The following MECOM variants were observed in gnomAD, a reference collection of about 807,000 sequenced individuals.
The protein encoded by MECOM is MDS1 and EVI1 complex locus.
In MECOM, 13 loss-of-function variants were observed where a neutral mutation model predicts 116.3. That is an observed-to-expected ratio of 0.11 (90% CI 0.07 to 0.18). The LOEUF is 0.18. Among genes scored for constraint, MECOM ranks in the 10% least tolerant of loss-of-function variants. MECOM has a pLI of 1.00. For missense variants in MECOM, 1,299 were observed against 1,509.0 expected, an observed-to-expected ratio of 0.86 and a Z score of 2.31; for synonymous variants, 528 against 535.2, an observed-to-expected ratio of 0.99 and a Z score of 0.19.
chr3:169,585,008 A>C (rs1765618528), intron 1 of MECOM, among the ~76,000 whole-genome samples: 1 of 152,262 alleles, frequency 6.6e-6, no homozygotes, highest in African/African-American at 2.4e-5. Flanking sequence ...TCATTTCCAC[A>C]GATTATCAAG....
intron 2 of MECOM, among the ~76,000 whole-genome samples, chr3:169,219,946 A>G (rs956871937): frequency 2.7e-5 from 4 of 148,840 alleles, no homozygotes; most frequent in Non-Finnish European, 5.9e-5. Context: ...TCTAATATGT[A>G]TAATTCTAAT....
At chr3:169,101,649 G>C (rs146447962) in intron 11 of MECOM, among the ~76,000 whole-genome samples, 52 of 152,136 alleles carry the variant, frequency 3.4e-4, no homozygotes, top group African/African-American at 1.3e-3. Flanking sequence ...TTACTAGCTA[G>C]TTTTATTCAC....
At chr3:169,242,275 T>A (rs972771637) in intron 2 of MECOM, among the ~76,000 whole-genome samples, 3 of 152,338 alleles carry the variant, frequency 2.0e-5, no homozygotes, top group East Asian at 1.9e-4. Flanking sequence ...CTGAGAGTCC[T>A]GTCACAGGAC....
intron 1 of MECOM, among the ~76,000 whole-genome samples, chr3:169,660,544 G>C (rs532127787): frequency 2.0e-4 from 30 of 151,824 alleles, no homozygotes; most frequent in African/African-American, 7.2e-4. Context: ...ATTTACAAAA[G>C]ACAAAAAGAA....
intron 1 of MECOM, among the ~76,000 whole-genome samples, chr3:169,646,956 A>G (rs1488343445): frequency 6.6e-6 from 1 of 152,264 alleles, no homozygotes; most frequent in Non-Finnish European, 1.5e-5. Flanking sequence ...AGGGATGACC[A>G]GCCCCTGTCA....
intron 2 of MECOM, among the ~76,000 whole-genome samples, chr3:169,219,775 A>G (rs1285113073): frequency 6.7e-6 from 1 of 149,788 alleles, no homozygotes; most frequent in African/African-American, 2.4e-5. Context: ...AATGGTATAT[A>G]TATATTATAT....
At chr3:169,087,546 G>A (rs773041786) in intron 16 of MECOM, among the ~76,000 whole-genome samples, 2 of 152,118 alleles carry the variant, frequency 1.3e-5, no homozygotes. Context: ...ATAGTGAGCC[G>A]TGATTGCACC....
Position 169,472,518 on chromosome 3 carries a change from G to GAAAGGAAAGGAAAGGAAAGGAAAGA in MECOM, c.38-90995_38-90994insTCTTTCCTTTCCTTTCCTTTCCTTT, listed in dbSNP as rs1553863131. Among the ~76,000 whole-genome samples, 69 of 70,128 alleles carry GAAAGGAAAGGAAAGGAAAGGAAAGA rather than the reference G, an allele frequency of 9.8e-4. 13 individuals are homozygous for GAAAGGAAAGGAAAGGAAAGGAAAGA. Among genetic ancestry groups the GAAAGGAAAGGAAAGGAAAGGAAAGA allele is most frequent in the East Asian group, 5.1e-3 (12 of 2,358 alleles). The allele number at this position is 70,128 out of a possible 152,430, so 46.0% of individuals were successfully genotyped here. A position where few individuals can be genotyped will look rare whatever the true frequency, so the allele number is the denominator to read the frequency against. On this transcript the variant is annotated intron_variant, in intron 1 of 16. Transcript: ENST00000651503. ...GAAAGGAAAGGAAAGGAAAGGAAAG[G>GAAAGGAAAGGAAAGGAAAGGAAAGA]AAAGAAAAGAAAAGAAAAGGAAAGG...
intron 2 of MECOM, among the ~76,000 whole-genome samples, chr3:169,172,393 G>A (rs187718591): frequency 6.5e-4 from 95 of 146,586 alleles, no homozygotes; most frequent in Middle Eastern, 6.9e-3. Flanking sequence ...ATTTACTTCC[G>A]CAGGTACCCT....
chr3:169,268,115 C>T (rs1428517923), intron 2 of MECOM, among the ~76,000 whole-genome samples: 1 of 152,132 alleles, frequency 6.6e-6, no homozygotes, highest in East Asian at 1.9e-4. Flanking sequence ...CAATCTTTCT[C>T]CATCTACAAT....
chr3:169,146,596 G>A (rs1740019035), intron 2 of MECOM: 1 of 1,372,258 alleles, frequency 7.3e-7, no homozygotes, highest in African/African-American at 1.5e-5. Flanking sequence ...GACTGCGGGC[G>A]AGGAGGAAAG....
At chr3:169,493,789 A>G (rs1753447537) in intron 1 of MECOM, among the ~76,000 whole-genome samples, 1 of 152,154 alleles carries the variant, frequency 6.6e-6, no homozygotes, top group South Asian at 2.1e-4. Context: ...TGAAGATTCA[A>G]CTTAAGCTGT....
At chr3:169,468,984 T>G (rs1016640555) in intron 1 of MECOM, among the ~76,000 whole-genome samples, 1 of 152,178 alleles carries the variant, frequency 6.6e-6, no homozygotes, top group Non-Finnish European at 1.5e-5. Context: ...CTGTGATGGG[T>G]GTTAGAATAT....
chr3:169,266,455 G>T (rs780804838), intron 2 of MECOM, among the ~76,000 whole-genome samples: 2 of 152,106 alleles, frequency 1.3e-5, no homozygotes, highest in African/African-American at 4.8e-5. Context: ...CTTCTAAATC[G>T]TTAAATGATT....
At chr3:169,660,985 T>C (rs910360893) in intron 1 of MECOM, among the ~76,000 whole-genome samples, 2 of 152,098 alleles carry the variant, frequency 1.3e-5, no homozygotes. Context: ...GCGGCATCCT[T>C]AGAGACCCTG....
intron 2 of MECOM, among the ~76,000 whole-genome samples, chr3:169,331,142 T>C (rs1722644484): frequency 6.6e-6 from 1 of 152,144 alleles, no homozygotes; most frequent in African/African-American, 2.4e-5. Context: ...TTAATCCTTA[T>C]ACCACTACCA....
chr3:169,133,804 C>T, intron 3 of MECOM: 1 of 619,244 alleles, frequency 1.6e-6, no homozygotes, highest in Non-Finnish European at 2.5e-6. Context: ...TGTGAGTTTG[C>T]TTTTTTCCCC....
intron 2 of MECOM, chr3:169,149,774 C>T (rs115546592): frequency 4.6e-6 from 2 of 436,872 alleles, no homozygotes; most frequent in Non-Finnish European, 9.2e-6. Flanking sequence ...ATGGAGAATT[C>T]ATTGCATCAT....
Position 169,483,986 on chromosome 3 carries a change from G to C in MECOM, c.38-102462C>G. 1.9e-6 allele frequency: 3 copies of C among 1,600,306 alleles called. No homozygotes were observed. The East Asian group carries it at 6.7e-5, about 36-fold the overall frequency. ...TTCTACAGGGTGGGTGCAATCAAGA[G>C]TGAACTTCAGAACTTGCTTCTTTTT... On this transcript the variant is annotated intron_variant, in intron 1 of 16. Coordinates refer to ENST00000651503, the MANE Select transcript of MECOM (RefSeq NM_004991.4).
Sources: gnomAD v4.1 joint callset for allele counts (sites outside exome capture counted in the v4.1 genomes callset) on GRCh38, gnomAD v4.1.1 for gene constraint, MANE v1.5 for transcripts, NCBI Gene and HGNC (gene_info 2026-07-23, HGNC 2026-07-21) for gene names.